MAMDC2: variants seen among roughly 807,000 people sequenced by gnomAD.
The protein encoded by MAMDC2 is MAM domain-containing protein 2.
In MAMDC2, 57 loss-of-function variants were observed where a neutral mutation model predicts 89.8. That is an observed-to-expected ratio of 0.63 (90% CI 0.51 to 0.79). The LOEUF is 0.79. Ranked by LOEUF, MAMDC2 falls within the 30% of genes least tolerant of loss-of-function variation. The probability of loss-of-function intolerance (pLI) is 0.00; values close to 1 mark genes in which losing one functional copy is unlikely to be tolerated. For synonymous variants in MAMDC2, 313 were observed against 293.4 expected, an observed-to-expected ratio of 1.07 and a Z score of -0.68; for missense variants, 800 against 820.6, an observed-to-expected ratio of 0.97 and a Z score of 0.31.
intron 11 of MAMDC2, chr9:70,217,532 A>C: frequency 6.3e-7 from 1 of 1,575,010 alleles, no homozygotes; most frequent in Non-Finnish European, 8.7e-7. Flanking sequence ...AGGGCTGCTA[A>C]GGAAGCAAAA....
At chr9:70,160,067 C>T (rs904730668) in intron 9 of MAMDC2, among the ~76,000 whole-genome samples, 2 of 152,050 alleles carry the variant, frequency 1.3e-5, no homozygotes, top group Non-Finnish European at 2.9e-5. Flanking sequence ...AAAAAATTCG[C>T]AAGGCATGGT....
intron 2 of MAMDC2, among the ~76,000 whole-genome samples, chr9:70,103,621 A>C (rs1279956680): frequency 2.6e-5 from 4 of 152,022 alleles, no homozygotes; most frequent in Non-Finnish European, 5.9e-5. Flanking sequence ...AAAAAAAAAA[A>C]CTAAAAATAG....
intron 11 of MAMDC2, among the ~76,000 whole-genome samples, chr9:70,210,114 G>T (rs1173888083): frequency 3.9e-5 from 6 of 152,154 alleles, no homozygotes; most frequent in African/African-American, 7.2e-5. Flanking sequence ...ATATTCTGTC[G>T]ATTTGGGGTG....
chr9:70,118,342 A>ACACACACACACACACACACACACACC (rs1189866015), intron 5 of MAMDC2, among the ~76,000 whole-genome samples: 1 of 117,256 alleles, frequency 8.5e-6, no homozygotes, highest in Non-Finnish European at 1.9e-5. Context: ...ACACACACAC[A>ACACACACACACACACACACACACACC]CACACAGTCC....
At chr9:70,108,906 C>G (rs1384949738) in intron 3 of MAMDC2, among the ~76,000 whole-genome samples, 3 of 152,092 alleles carry the variant, frequency 2.0e-5, no homozygotes, top group African/African-American at 7.2e-5. Flanking sequence ...AGTGAAAATA[C>G]TTTAAAAGAG....
intron 3 of MAMDC2, 48 bp from the exon 4 acceptor site, chr9:70,109,672 C>A: frequency 6.9e-7 from 1 of 1,440,832 alleles, no homozygotes; most frequent in Non-Finnish European, 9.8e-7. Flanking sequence ...ACCAAGGAAA[C>A]ATGATGTTTT....
chr9:70,164,010 A>G (rs10780869), intron 9 of MAMDC2, among the ~76,000 whole-genome samples: 118,331 of 150,980 alleles, frequency 0.78, 46,521 homozygotes, highest in Admixed American at 0.83. Flanking sequence ...AGGACTGCAC[A>G]TAACAGGAAT....
intron 2 of MAMDC2, among the ~76,000 whole-genome samples, chr9:70,074,736 T>C (rs1389988148): frequency 6.6e-6 from 1 of 152,208 alleles, no homozygotes; most frequent in Non-Finnish European, 1.5e-5. Context: ...CAACATAACA[T>C]GGCAAATAAA....
At chr9:70,104,971 A>G (rs116832796) in intron 2 of MAMDC2, among the ~76,000 whole-genome samples, 223 of 151,844 alleles carry the variant, frequency 1.5e-3, no homozygotes, top group African/African-American at 5.2e-3. Context: ...CCAAATATCA[A>G]TTTGATTAAG....
rs576821540 is a variant in MAMDC2, at chr9:70,143,679, T to C, written c.1264T>C (p.Leu422=). Residue 422 remains leucine (L), a synonymous_variant, in exon 9 of 14, where the codon TTA becomes CTA. Coordinates refer to ENST00000377182, the MANE Select transcript of MAMDC2 (RefSeq NM_153267.5). ...LRFHYAIYGF[L]KMSDTLAVYI... is the part of the protein sequence containing the mutation. ...TTTTCATTATGCCATCTATGGATTT[T>C]TAAAAATGAGTGACACCCTAGCAGT... 1.2e-5 allele frequency: 20 copies of C among 1,614,216 alleles called. No homozygotes were observed. In the South Asian group the frequency reaches 1.6e-4, roughly 13 times the overall value.
At position 70,105,254 on chromosome 9, in the gene MAMDC2, G is replaced by A. The variant is rs145827793; in HGVS notation, c.149-2957G>A. On this transcript the variant is annotated intron_variant, in intron 2 of 13. Transcript: ENST00000377182. ...TACCCCTACACTGAAGCCACAAGCAGAGATAACAAGTAGTTTCAACTCAAG... is the reference window on the plus strand; with the variant it reads ...TACCCCTACACTGAAGCCACAAGCAAAGATAACAAGTAGTTTCAACTCAAG... 1.4e-3 allele frequency among the ~76,000 whole-genome samples: 207 copies of A among 152,262 alleles called. 1 individual carries two copies. The highest frequency in any genetic ancestry group is 4.8e-3 in the African/African-American group (201 of 41,554).
intron 7 of MAMDC2, among the ~76,000 whole-genome samples, chr9:70,134,285 C>T (rs114853032): frequency 0.046 from 6,936 of 150,634 alleles, 196 homozygotes; most frequent in South Asian, 0.071. Flanking sequence ...CTCCAATGAA[C>T]TGCCCCCCAC....
At chr9:70,157,178 G>T (rs2031789986) in intron 9 of MAMDC2, among the ~76,000 whole-genome samples, 1 of 152,058 alleles carries the variant, frequency 6.6e-6, no homozygotes, top group Non-Finnish European at 1.5e-5. Context: ...CTTCTATCTT[G>T]TGAATATTTC....
At chr9:70,099,348 CTT>C (rs1225949027) in intron 2 of MAMDC2, among the ~76,000 whole-genome samples, 1 of 152,170 alleles carries the variant, frequency 6.6e-6, no homozygotes. Flanking sequence ...AGAAATTTGA[CTT>C]TTTCATTTTT....
At chr9:70,065,896 G>T (rs1257119771) in intron 2 of MAMDC2, among the ~76,000 whole-genome samples, 1 of 152,092 alleles carries the variant, frequency 6.6e-6, no homozygotes, top group East Asian at 1.9e-4. Context: ...GATGCCAAAT[G>T]TTGTTCTTGA....
At chr9:70,044,469 G>A (rs1826688007) in intron 1 of MAMDC2, 115 bp from the exon 2 acceptor site, 1 of 900,954 alleles carries the variant, frequency 1.1e-6, no homozygotes, top group Non-Finnish European at 1.7e-6. Context: ...TCCCTCTCCC[G>A]CCCCCTCCCG....
chr9:70,118,102 A>G (rs2030090887), intron 5 of MAMDC2, among the ~76,000 whole-genome samples: 1 of 152,118 alleles, frequency 6.6e-6, no homozygotes, highest in Non-Finnish European at 1.5e-5. Flanking sequence ...GGTTTATTTT[A>G]TATTTGGAGA....
intron 2 of MAMDC2, chr9:70,088,804 C>A (rs1827827261): frequency 6.6e-6 from 1 of 151,820 alleles, no homozygotes; most frequent in Non-Finnish European, 1.5e-5. Context: ...ACAGATATGG[C>A]AAAACCCCAA....
At chr9:70,172,124 C>T (rs181453436) in intron 11 of MAMDC2, 1 of 152,312 alleles carries the variant, frequency 6.6e-6, no homozygotes, top group East Asian at 1.9e-4. Flanking sequence ...CCTTAGCTTC[C>T]CAGTCCTGTT....
Sources: gnomAD v4.1 joint callset for allele counts (sites outside exome capture counted in the v4.1 genomes callset) on GRCh38, gnomAD v4.1.1 for gene constraint, MANE v1.5 for transcripts, NCBI Gene and HGNC (gene_info 2026-07-23, HGNC 2026-07-21) for gene names.